Variants in FOXP2 observed in about 807,000 individuals in gnomAD.
The protein encoded by FOXP2 is forkhead box protein P2.
In FOXP2, 12 loss-of-function variants were observed where a neutral mutation model predicts 115.8. The observed-to-expected ratio is 0.10, with a 90% CI of 0.07 to 0.17. The LOEUF is 0.17. Among genes scored for constraint, FOXP2 ranks in the 10% least tolerant of loss-of-function variants. The pLI is 1.00. For missense variants in FOXP2, 629 were observed against 843.5 expected (o/e 0.75, Z 3.15); for synonymous variants, 328 against 297.7 (o/e 1.10, Z -1.05).
intron 2 of FOXP2, among the ~76,000 whole-genome samples, chr7:114,382,869 T>C (rs1284661002): frequency 1.3e-5 from 2 of 152,188 alleles, no homozygotes; most frequent in African/African-American, 4.8e-5. Flanking sequence ...CCTTTCCCTG[T>C]GTTATGTGGA....
chr7:114,116,961 TA>T (rs1004396992), intron 1 of FOXP2, among the ~76,000 whole-genome samples: 7 of 152,124 alleles, frequency 4.6e-5, no homozygotes, highest in African/African-American at 1.7e-4. Flanking sequence ...GGCTCTTTTT[TA>T]AAAAGAAAAT....
chr7:114,646,703 T>C (rs1805922977), intron 8 of FOXP2, among the ~76,000 whole-genome samples: 1 of 152,026 alleles, frequency 6.6e-6, no homozygotes, highest in Non-Finnish European at 1.5e-5. Flanking sequence ...CTAATGTAAG[T>C]ATACTGACCG....
chr7:114,341,504 G>A (rs1427843221), intron 2 of FOXP2, among the ~76,000 whole-genome samples: 2 of 151,286 alleles, frequency 1.3e-5, no homozygotes, highest in Non-Finnish European at 3.0e-5. Flanking sequence ...AAATCTAACA[G>A]CATGCCCAGG....
intron 3 of FOXP2, among the ~76,000 whole-genome samples, chr7:114,618,783 G>A (rs1241145194): frequency 1.3e-5 from 2 of 152,126 alleles, no homozygotes; most frequent in Non-Finnish European, 2.9e-5. Flanking sequence ...TTTGAGTAGA[G>A]ACTGCAGATA....
intron 2 of FOXP2, among the ~76,000 whole-genome samples, chr7:114,346,489 T>C (rs1238155718): frequency 6.6e-6 from 1 of 151,862 alleles, no homozygotes; most frequent in Non-Finnish European, 1.5e-5. Flanking sequence ...CTGCTGTTTA[T>C]TGCAGTGTTA....
intron 2 of FOXP2, among the ~76,000 whole-genome samples, chr7:114,396,105 A>AT (rs1792730132): frequency 6.6e-6 from 1 of 151,764 alleles, no homozygotes; most frequent in African/African-American, 2.4e-5. Context: ...AGTAGGCCTT[A>AT]TTTATTATTT....
In FOXP2 at chr7:114,587,902, A is replaced by T. The variant is rs995077542; in HGVS notation, c.259-40638A>T. 2.3e-5 allele frequency among the ~76,000 whole-genome samples: 2 copies of T among 88,168 alleles called. 1 individual carries two copies. The highest frequency in any genetic ancestry group is 0.011 in the Middle Eastern group (2 of 174). 57.8% of individuals were successfully genotyped at this position (88,168 alleles called of 152,430 possible). ...TTAAATCCACCTTTCTTAGTGCCTT[A>T]TTAATGATTCTGAAATTCTCATCCT... is the stretch of plus-strand genomic sequence containing the variant. On this transcript the variant is annotated intron_variant, in intron 3 of 16. Coordinates refer to ENST00000350908, the MANE Select transcript of FOXP2 (RefSeq NM_014491.4).
chr7:114,484,628 A>G (rs1383680751), intron 2 of FOXP2, among the ~76,000 whole-genome samples: 1 of 151,944 alleles, frequency 6.6e-6, no homozygotes, highest in Admixed American at 6.6e-5. Flanking sequence ...CATTTATTCT[A>G]AAATTAATAT....
chr7:114,681,456 C>A (rs1808077518), intron 16 of FOXP2, among the ~76,000 whole-genome samples: 1 of 151,912 alleles, frequency 6.6e-6, no homozygotes, highest in South Asian at 2.1e-4. Flanking sequence ...CTTCATAAGC[C>A]CCAACGTGCA....
At chr7:114,590,136 C>T (rs1485632017) in intron 3 of FOXP2, among the ~76,000 whole-genome samples, 2 of 152,056 alleles carry the variant, frequency 1.3e-5, no homozygotes, top group Non-Finnish European at 2.9e-5. Context: ...GCCTAGTGTA[C>T]TGTGGCTTAC....
At chr7:114,092,182 C>T (rs576167875) in intron 1 of FOXP2, among the ~76,000 whole-genome samples, 23 of 152,148 alleles carry the variant, frequency 1.5e-4, no homozygotes, top group Non-Finnish European at 2.8e-4. Flanking sequence ...GCTTTAATTT[C>T]TGTCATGAAA....
chr7:114,534,275 T>C (rs1364409342), intron 2 of FOXP2, among the ~76,000 whole-genome samples: 1 of 148,270 alleles, frequency 6.7e-6, no homozygotes, highest in East Asian at 2.0e-4. Context: ...GCAAATTGAA[T>C]GATAATTTAA....
At chr7:114,346,271 TC>T (rs1405493144) in intron 2 of FOXP2, among the ~76,000 whole-genome samples, 1 of 151,792 alleles carries the variant, frequency 6.6e-6, no homozygotes, top group Non-Finnish European at 1.5e-5. Context: ...AATGGAATCA[TC>T]ATATCAAGGA....
At chr7:114,162,354 A>T (rs1792863213), upstream of FOXP2, among the ~76,000 whole-genome samples, 1 of 152,114 alleles carries the variant, frequency 6.6e-6, no homozygotes, top group Admixed American at 6.6e-5. Flanking sequence ...GATGTCCAAT[A>T]TACCTTGCTT....
intron 2 of FOXP2, among the ~76,000 whole-genome samples, chr7:114,534,276 G>A (rs1003060708): frequency 2.0e-5 from 3 of 147,222 alleles, no homozygotes; most frequent in Admixed American, 7.0e-5. Flanking sequence ...CAAATTGAAT[G>A]ATAATTTAAA....
chr7:114,278,919 TCAGCACACTGCC>T (rs1362936502), intron 1 of FOXP2, among the ~76,000 whole-genome samples: 3 of 152,226 alleles, frequency 2.0e-5, no homozygotes, highest in South Asian at 2.1e-4. Flanking sequence ...AAAGCACTGC[TCAGCACACTGCC>T]CAGCACACTG....
intron 2 of FOXP2, among the ~76,000 whole-genome samples, chr7:114,437,203 A>C (rs1282636948): frequency 1.3e-5 from 2 of 152,132 alleles, no homozygotes; most frequent in African/African-American, 4.8e-5. Context: ...CCACATTGTC[A>C]GTGGAAGTGA....
rs1224336230 is a variant in FOXP2, at chr7:114,642,444, G to T, written c.810G>T (p.Trp270Cys). Residue 270 changes from tryptophan to cysteine, a missense_variant, in exon 7 of 17, where the codon TGG (tryptophan) becomes TGT (cysteine). By Grantham distance (215) the Trp-to-Cys change is radical. Transcript: ENST00000350908. ...GLSPAEIQQL[W>C]KEVTGVHSME... The stretch of plus-strand genomic sequence containing the variant: ...GTCCTGCTGAGATTCAGCAGTTATG[G>T]AAAGAAGTGACTGGAGTTCACAGTA... 6.2e-7 allele frequency: 1 copy of T among 1,613,600 alleles called. No individual in the cohort carries two copies. Among genetic ancestry groups the T allele is most frequent in the Non-Finnish European group, 8.5e-7 (1 of 1,179,830 alleles).
intron 1 of FOXP2, among the ~76,000 whole-genome samples, chr7:114,273,932 T>G (rs1049969889): frequency 1.3e-5 from 2 of 152,134 alleles, no homozygotes; most frequent in African/African-American, 4.8e-5. Context: ...ACCATTGATA[T>G]TCTGTTGGAG....
Sources: allele counts gnomAD v4.1 joint callset (sites outside exome capture counted in the v4.1 genomes callset), GRCh38; gene constraint gnomAD v4.1.1; transcripts MANE v1.5; gene names NCBI Gene and HGNC (gene_info 2026-07-23, HGNC 2026-07-21).